RPL4: variants seen among roughly 807,000 people sequenced by gnomAD.
RPL4 encodes ribosomal protein L4, also known as large ribosomal subunit protein uL4.
A neutral mutation model predicts 47.7 loss-of-function variants in RPL4; 3 were observed. That is an observed-to-expected ratio of 0.06 (90% CI 0.03 to 0.16). The LOEUF (loss-of-function observed/expected upper bound fraction) is 0.16. RPL4 is among the 10% of genes least tolerant of loss of function. The probability of loss-of-function intolerance (pLI) is 1.00; values close to 1 mark genes in which losing one functional copy is unlikely to be tolerated. For missense variants in RPL4, 413 were observed against 551.3 expected, an observed-to-expected ratio of 0.75 and a Z score of 2.51; for synonymous variants, 208 against 182.1, an observed-to-expected ratio of 1.14 and a Z score of -1.15.
At chr15:66,502,045 T>C (rs766575501) in intron 4 of RPL4, 133 bp from the exon 5 acceptor site, 15 of 1,197,752 alleles carry the variant, frequency 1.3e-5, no homozygotes, top group East Asian at 2.4e-5. Context: ...ACAAATATCA[T>C]GTGTTTCAGA....
chr15:66,504,693 C>T (rs942284004), intron 1 of RPL4, 95 bp downstream of exon 1: 2 of 1,548,712 alleles, frequency 1.3e-6, no homozygotes, highest in African/African-American at 2.7e-5. Flanking sequence ...CCTCTCCTCG[C>T]TCTATCTCCT....
intron 1 of RPL4, 36 bp from the exon 2 acceptor site, chr15:66,503,565 G>A: frequency 6.4e-7 from 1 of 1,557,364 alleles, no homozygotes; most frequent in Non-Finnish European, 8.7e-7. Flanking sequence ...TTATTGACAA[G>A]TAATGTTTGA....
At position 66,503,345 on chromosome 15, in the gene RPL4, T is replaced by C. The variant is rs776700168; in HGVS notation, c.175+13A>G. ...CAGTCCCTAAAATATCTGCAGAAGA[T>C]ATAAATCCATACCTGCTAATTCACT... On this transcript the variant is annotated intron_variant, in intron 2 of 9. Transcript: ENST00000307961. 8 of 1,611,192 alleles carry C rather than the reference T, an allele frequency of 5.0e-6. No individual in the cohort carries two copies. The highest frequency in any genetic ancestry group is 2.2e-5 in the South Asian group (2 of 91,018).
chr15:66,503,495 T>G lies in RPL4; in HGVS notation c.38A>C (p.Glu13Ala). 1 of 1,610,576 alleles carries G rather than the reference T, an allele frequency of 6.2e-7. No individual in the cohort carries two copies. Among genetic ancestry groups the G allele is most frequent in the East Asian group, 2.2e-5 (1 of 44,778 alleles). Residue 13 changes from glutamate to alanine, a missense_variant, in exon 2 of 10, where the codon GAA becomes GCA. By Grantham distance (107) the Glu-to-Ala change is moderately radical. This residue lies in a region of RPL4 where 56 missense variants were observed against 70.6 expected (regional missense o/e 0.79). Transcript: ENST00000307961. ...ATTTTTGCCAGATGACTCCCCCTTT[T>G]CGGAGTACACCGATATCAGTGGGCG... ...CARPLISVYS[E>A]KGESSGKNVT...
chr15:66,499,739 A>G, intron 9 of RPL4, 87 bp from the exon 10 acceptor site: 1 of 1,563,004 alleles, frequency 6.4e-7, no homozygotes, highest in Non-Finnish European at 8.7e-7. Flanking sequence ...AACAAAACAA[A>G]CCAGCCGGGC....
rs1474989955 is a variant in RPL4, at chr15:66,499,277, T to C, written c.*130A>G. 7 of 1,215,822 alleles carry C rather than the reference T, an allele frequency of 5.8e-6. No homozygotes were observed. The highest frequency in any genetic ancestry group is 6.9e-6 in the Non-Finnish European group (6 of 874,336). The allele number at this position is 1,215,822 out of a possible 1,614,324, so 75.3% of individuals were successfully genotyped here. A position where few individuals can be genotyped will look rare whatever the true frequency, so the allele number is the denominator to read the frequency against. ...AATTATGGCCAACAAAATGTCACTTTAAAAAAATTCTAACCAAGCTTTACA... is the reference window on the plus strand; with the variant it reads ...AATTATGGCCAACAAAATGTCACTTCAAAAAAATTCTAACCAAGCTTTACA... On this transcript the variant is annotated 3_prime_UTR_variant, in exon 10 of 10. Coordinates refer to ENST00000307961, the MANE Select transcript of RPL4 (RefSeq NM_000968.4).
intron 3 of RPL4, 60 bp from the exon 4 acceptor site, chr15:66,502,810 C>G (rs1306185010): frequency 5.6e-6 from 9 of 1,612,588 alleles, no homozygotes; most frequent in Non-Finnish European, 7.6e-6. Context: ...AAGGTTATTT[C>G]TTGCTCAGTA....
At chr15:66,504,674 C>G in intron 1 of RPL4, 114 bp downstream of exon 1, 28 of 1,461,020 alleles carry the variant, frequency 1.9e-5, no homozygotes, top group Non-Finnish European at 2.4e-5. Context: ...CGCCTTTGGT[C>G]CTCATCTCCC....
intron 4 of RPL4, chr15:66,502,405 A>G: frequency 1.7e-6 from 1 of 584,252 alleles, no homozygotes; most frequent in South Asian, 2.6e-5. Context: ...TCTGGAGTAC[A>G]TTTGATAACT....
At chr15:66,501,692 A>T (rs1391734196) in intron 5 of RPL4, 96 bp downstream of exon 5, 1 of 1,548,634 alleles carries the variant, frequency 6.5e-7, no homozygotes, top group Non-Finnish European at 8.7e-7. Context: ...TCTCTCACAC[A>T]TTAAGGATTA....
chr15:66,501,650 A>C, intron 5 of RPL4, 138 bp downstream of exon 5: 1 of 1,499,480 alleles, frequency 6.7e-7, no homozygotes, highest in Non-Finnish European at 9.0e-7. Context: ...GTTAGGATTC[A>C]AACCCAAGTA....
At position 66,502,762 on chromosome 15, in the gene RPL4, G is replaced by T. The variant is rs375226272; in HGVS notation, c.283-12C>A. 38 of 1,613,930 alleles carry T rather than the reference G, an allele frequency of 2.4e-5. No homozygotes were observed. The highest frequency in any genetic ancestry group is 3.2e-5 in the Non-Finnish European group (38 of 1,179,968). On this transcript the variant is annotated splice_polypyrimidine_tract_variant and intron_variant, in intron 3 of 9. Transcript: ENST00000307961. ...CCTCCACGACACATCTATTTTTCCA[G>T]TCAAGAATCACATTTCTCAAATTTT...
Position 66,502,830 on chromosome 15 carries a change from G to A in RPL4, c.283-80C>T, listed in dbSNP as rs371786098. 5.3e-4 allele frequency: 848 copies of A among 1,602,884 alleles called. 5 individuals are homozygous for A. In the African/African-American group the frequency reaches 9.4e-3, roughly 18 times the overall value. On this transcript the variant is annotated intron_variant, in intron 3 of 9. Coordinates refer to ENST00000307961, the MANE Select transcript of RPL4 (RefSeq NM_000968.4). The stretch of plus-strand genomic sequence containing the variant: ...TATTTCTTGCTCAGTAAGAATTTTC[G>A]TCAACCTTCTGTACCAGCTTACTGA...
Position 66,504,827 on chromosome 15 carries a change from G to C in RPL4, c.-37C>G, listed in dbSNP as rs373826256. 1.9e-6 allele frequency: 3 copies of C among 1,608,778 alleles called. No individual in the cohort carries two copies. The highest frequency in any genetic ancestry group is 2.5e-6 in the Non-Finnish European group (3 of 1,178,312). On this transcript the variant is annotated 5_prime_UTR_variant, in exon 1 of 10. Coordinates refer to ENST00000307961, the MANE Select transcript of RPL4 (RefSeq NM_000968.4). ...GAGACAGCCACGCTCCTCTCAGCCC[G>C]GCTGCTGCCACAGGAAAAGGAAGTG...
At chr15:66,502,486 A>G in intron 4 of RPL4, 126 bp downstream of exon 4, 1 of 1,040,898 alleles carries the variant, frequency 9.6e-7, no homozygotes, top group Non-Finnish European at 1.4e-6. Context: ...TTTATGCTAA[A>G]AACATTCAAA....
intron 7 of RPL4, 133 bp downstream of exon 7, chr15:66,500,816 G>A: frequency 9.4e-7 from 1 of 1,064,802 alleles, no homozygotes; most frequent in South Asian, 1.6e-5. Flanking sequence ...TATAGACCAG[G>A]TGAGTCTCAT....
Position 66,500,045 on chromosome 15 carries a change from A to G in RPL4, c.1038+11T>C, listed in dbSNP as rs1353244609. On this transcript the variant is annotated intron_variant, in intron 9 of 9. Coordinates refer to ENST00000307961, the MANE Select transcript of RPL4 (RefSeq NM_000968.4). ...CTCAAAAACAAACAAACAAACAAAA[A>G]CTCCACTCACATTCCTGGCCTGGCG... 6.2e-7 allele frequency: 1 copy of G among 1,610,746 alleles called. No homozygotes were observed. The highest frequency in any genetic ancestry group is 8.5e-7 in the Non-Finnish European group (1 of 1,179,596).
At position 66,503,379 on chromosome 15, in the gene RPL4, A is replaced by G; in HGVS notation, c.154T>C (p.Tyr52His). 6.2e-7 allele frequency: 1 copy of G among 1,610,334 alleles called. No individual in the cohort carries two copies. ...TNLRKNNRQP[Y>H]AVSELAGHQT... Reference sequence around the variant, plus strand: ...ATACCTGCTAATTCACTGACAGCATAGGGCTGTCTGTTGTTTTTGCGCAAG... The same window carrying G: ...ATACCTGCTAATTCACTGACAGCATGGGGCTGTCTGTTGTTTTTGCGCAAG... Residue 52 changes from tyrosine to histidine, a missense_variant, in exon 2 of 10, where the codon TAT becomes CAT. This residue lies in a region of RPL4 where 56 missense variants were observed against 70.6 expected (regional missense o/e 0.79). Coordinates refer to ENST00000307961, the MANE Select transcript of RPL4 (RefSeq NM_000968.4).
In RPL4 at chr15:66,501,379, G is replaced by T. The variant is rs1438401861; in HGVS notation, c.672C>A (p.Ile224=). 14 of 1,614,010 alleles carry T rather than the reference G, an allele frequency of 8.7e-6. No homozygotes were observed. Among genetic ancestry groups the T allele is most frequent in the Non-Finnish European group, 1.1e-5 (13 of 1,180,012 alleles). ...ATATGTAAGCAGTTTAATTACCAGG[G>T]ATGTTTCTGAAGGCCTTGATGATAC... The part of the protein sequence containing the change: ...DNGIIKAFRN[I]PGITLLNVSK... Residue 224 remains isoleucine, a synonymous_variant, in exon 6 of 10, where the codon ATC becomes ATA. Coordinates refer to ENST00000307961, the MANE Select transcript of RPL4 (RefSeq NM_000968.4).
Sources: gnomAD v4.1 joint callset for allele counts on GRCh38, gnomAD v4.1.1 for gene constraint, gnomAD v4.1.1 regional missense constraint, MANE v1.5 for transcripts, NCBI Gene and HGNC (gene_info 2026-07-23, HGNC 2026-07-21) for gene names.